ATG16L1: variants seen among roughly 807,000 people sequenced by gnomAD.
ATG16L1 encodes the protein autophagy-related protein 16-1.
ATG16L1 carries 37 observed loss-of-function variants against 88.5 expected under a neutral mutation model. The ratio of observed to expected loss-of-function variants is 0.42; its 90% confidence interval spans 0.32 to 0.55. The LOEUF (loss-of-function observed/expected upper bound fraction) is 0.55, where lower values mean the gene tolerates loss of function less well. Ranked by LOEUF, ATG16L1 falls within the 20% of genes least tolerant of loss-of-function variation. ATG16L1 has a pLI of 0.13. For missense variants in ATG16L1, 554 were observed against 752.8 expected (o/e 0.74, Z 3.09); for synonymous variants, 301 against 281.0 (o/e 1.07, Z -0.71).
chr2:233,286,194 A>G (rs1382484984), intron 12 of ATG16L1, among the ~76,000 whole-genome samples: 2 of 152,122 alleles, frequency 1.3e-5, no homozygotes, highest in East Asian at 3.9e-4. Context: ...TGTTAGCTGC[A>G]TGATTAAGTT....
At chr2:233,279,547 G>T (rs1698587924) in intron 10 of ATG16L1, among the ~76,000 whole-genome samples, 1 of 152,102 alleles carries the variant, frequency 6.6e-6, no homozygotes, top group African/African-American at 2.4e-5. Context: ...AAGATTTTTC[G>T]TCTTGGCAAA....
chr2:233,253,736 G>A (rs1351289836), intron 1 of ATG16L1, among the ~76,000 whole-genome samples: 1 of 152,116 alleles, frequency 6.6e-6, no homozygotes, highest in Non-Finnish European at 1.5e-5. Flanking sequence ...TGCTTTCACT[G>A]CACCCATTGT....
In ATG16L1 at chr2:233,273,972, C is replaced by A. The variant is rs114509633; in HGVS notation, c.851+195C>A. On this transcript the variant is annotated intron_variant, in intron 8 of 17. Coordinates refer to ENST00000392017, the MANE Select transcript of ATG16L1 (RefSeq NM_030803.7). ...CCTCTTAATCTCGCTGCGTGCTGAT[C>A]TCTGGCCTTTCCCTTTAGTCTGTCC... is the stretch of plus-strand genomic sequence containing the variant. 6.5e-4 allele frequency: 1,011 copies of A among 1,551,304 alleles called. 6 individuals carry two copies. The African/African-American group carries it at 0.012, about 18-fold the overall frequency.
Position 233,263,630 on chromosome 2 carries a change from G to A in ATG16L1, c.316-362G>A, listed in dbSNP as rs150424381. On this transcript the variant is annotated intron_variant, in intron 3 of 17. Coordinates refer to ENST00000392017, the MANE Select transcript of ATG16L1 (RefSeq NM_030803.7). ...AAGAATCAAGTCCTAGGCTGTGTTC[G>A]CCTGGATGGTGGTCTTACGGCAAAG... Among the ~76,000 whole-genome samples the A allele has an allele frequency of 3.5e-4, 54 of 152,284 alleles. 1 individual carries two copies. The highest frequency in any genetic ancestry group is 1.2e-3 in the African/African-American group (50 of 41,560).
intron 14 of ATG16L1, among the ~76,000 whole-genome samples, chr2:233,290,691 G>A (rs939193574): frequency 2.6e-5 from 4 of 152,172 alleles, no homozygotes; most frequent in African/African-American, 9.7e-5. Flanking sequence ...AGGCAGCTAC[G>A]TTTGTTCCAG....
intron 7 of ATG16L1, 95 bp from the exon 8 acceptor site, chr2:233,273,626 A>G (rs1698135381): frequency 5.8e-6 from 7 of 1,199,800 alleles, no homozygotes; most frequent in African/African-American, 4.6e-5. Flanking sequence ...AGTGGGAAAC[A>G]TATTCCCAGT....
intron 2 of ATG16L1, among the ~76,000 whole-genome samples, chr2:233,261,067 T>A (rs1284425038): frequency 1.3e-5 from 2 of 152,214 alleles, no homozygotes; most frequent in Non-Finnish European, 2.9e-5. Context: ...GCCATTCTCC[T>A]GCCTCAGCCT....
rs555779181 is a variant in ATG16L1, at chr2:233,276,702, C to A, written c.955-866C>A. Among the ~76,000 whole-genome samples the A allele has an allele frequency of 9.8e-5, 15 of 152,308 alleles. No individual in the cohort carries two copies. The South Asian group carries it at 2.9e-3, about 29-fold the overall frequency. On this transcript the variant is annotated intron_variant, in intron 9 of 17. Coordinates refer to ENST00000392017, the MANE Select transcript of ATG16L1 (RefSeq NM_030803.7). ...ACGTTGCCCAGGCTGGTCTTGAACT[C>A]CTGAGCTCATGCGATCTGCCCACCT...
chr2:233,256,921 C>CGCTCTT (rs200738566), intron 2 of ATG16L1, among the ~76,000 whole-genome samples: 42 of 152,090 alleles, frequency 2.8e-4, no homozygotes, highest in Middle Eastern at 3.4e-3. Context: ...AGGCTGGTCT[C>CGCTCTT]GAACTCTTGA....
chr2:233,287,044 A>C (rs1699136016), intron 12 of ATG16L1, among the ~76,000 whole-genome samples: 1 of 152,204 alleles, frequency 6.6e-6, no homozygotes, highest in South Asian at 2.1e-4. Context: ...TCAAGAGAAG[A>C]AAGCTGTGTG....
chr2:233,273,473 C>A, intron 7 of ATG16L1: 1 of 544,410 alleles, frequency 1.8e-6, no homozygotes, highest in South Asian at 2.6e-5. Context: ...TTGTCTAATG[C>A]TTTATTTCCA....
At chr2:233,252,949 G>T (rs1696485862) in intron 1 of ATG16L1, among the ~76,000 whole-genome samples, 1 of 152,154 alleles carries the variant, frequency 6.6e-6, no homozygotes, top group Non-Finnish European at 1.5e-5. Flanking sequence ...CATTCTGATT[G>T]TGCAAAATCA....
In ATG16L1 at chr2:233,268,856, T is replaced by C. The variant is rs57927430; in HGVS notation, c.642-1146T>C. Among the ~76,000 whole-genome samples the C allele has an allele frequency of 1.3e-3, 204 of 152,364 alleles. 1 individual carries two copies. Among genetic ancestry groups the C allele is most frequent in the African/African-American group, 4.6e-3 (193 of 41,588 alleles). On this transcript the variant is annotated intron_variant, in intron 5 of 17. Coordinates refer to ENST00000392017, the MANE Select transcript of ATG16L1 (RefSeq NM_030803.7). ...TGCTATACTGCCTAGAGGACTTTCCTTCATTTTGAGAATTACCACCGTGGT... is the reference window on the plus strand; with the variant it reads ...TGCTATACTGCCTAGAGGACTTTCCCTCATTTTGAGAATTACCACCGTGGT...
chr2:233,285,358 C>T (rs1285482309), intron 12 of ATG16L1, among the ~76,000 whole-genome samples: 3 of 152,132 alleles, frequency 2.0e-5, no homozygotes, highest in Admixed American at 1.3e-4. Context: ...GAGTCCTATA[C>T]AGGTGGGCAT....
chr2:233,252,422 C>T (rs2125185678), intron 1 of ATG16L1, among the ~76,000 whole-genome samples: 1 of 152,024 alleles, frequency 6.6e-6, no homozygotes, highest in South Asian at 2.1e-4. Context: ...TGCTGTGTCG[C>T]CGAGCCTGGA....
chr2:233,257,013 T>G (rs1329402437), intron 2 of ATG16L1, among the ~76,000 whole-genome samples: 2 of 149,094 alleles, frequency 1.3e-5, no homozygotes, highest in Non-Finnish European at 3.0e-5. Context: ...CTTACAATTT[T>G]TTTTGTTTTG....
rs116723377 is a variant in ATG16L1 at position 233,254,690 on chromosome 2, G to T, written c.116-1412G>T. Among the ~76,000 whole-genome samples the T allele has an allele frequency of 5.5e-3, 842 of 152,286 alleles. 5 individuals carry two copies. Among genetic ancestry groups the T allele is most frequent in the African/African-American group, 0.019 (804 of 41,548 alleles). On this transcript the variant is annotated intron_variant, in intron 1 of 17. Coordinates refer to ENST00000392017, the MANE Select transcript of ATG16L1 (RefSeq NM_030803.7). ...GTCTTACTAGAGCCCTTTGACACTG[G>T]TGGATTTTAAACCATAATTTCCCAG...
At chr2:233,253,332 GTTTTTTTGTTT>G (rs1190716280) in intron 1 of ATG16L1, among the ~76,000 whole-genome samples, 25 of 112,890 alleles carry the variant, frequency 2.2e-4, no homozygotes, top group East Asian at 5.3e-4. Flanking sequence ...GTGAGACTGG[GTTTTTTTGTTT>G]TTTTTTTTTT....
intron 10 of ATG16L1, 72 bp from the exon 11 acceptor site, chr2:233,281,033 C>T (rs1386151225): frequency 3.1e-6 from 3 of 970,138 alleles, no homozygotes; most frequent in African/African-American, 1.6e-5. Flanking sequence ...CATTGTATTT[C>T]AGTGCCCTGT....
Sources: gnomAD v4.1 joint callset for allele counts (sites outside exome capture counted in the v4.1 genomes callset) on GRCh38, gnomAD v4.1.1 for gene constraint, MANE v1.5 for transcripts, NCBI Gene and HGNC (gene_info 2026-07-23, HGNC 2026-07-21) for gene names.